The following DDX60L variants were observed in gnomAD, a reference collection of about 807,000 sequenced individuals.
DDX60L encodes probable ATP-dependent RNA helicase DDX60-like.
In DDX60L, 191 loss-of-function variants were observed where a neutral mutation model predicts 211.6. That is an observed-to-expected ratio of 0.90 (90% CI 0.80 to 1.02). DDX60L has a LOEUF of 1.02. Ranked by LOEUF, DDX60L falls within the 50% of genes least tolerant of loss-of-function variation. DDX60L has a pLI of 0.00. For synonymous variants in DDX60L, 706 were observed against 694.1 expected, an observed-to-expected ratio of 1.02 and a Z score of -0.27; for missense variants, 2,007 against 1,984.1, an observed-to-expected ratio of 1.01 and a Z score of -0.22.
At chr4:168,442,612 G>C (rs1754076696) in intron 9 of DDX60L, among the ~76,000 whole-genome samples, 1 of 152,110 alleles carries the variant, frequency 6.6e-6, no homozygotes, top group Admixed American at 6.5e-5. Context: ...AACCTCTGCA[G>C]ACTTAAATGT....
At chr4:168,426,810 G>C (rs1751526508) in intron 14 of DDX60L, among the ~76,000 whole-genome samples, 1 of 152,082 alleles carries the variant, frequency 6.6e-6, no homozygotes, top group Non-Finnish European at 1.5e-5. Flanking sequence ...CACACTTTTT[G>C]AAAGAGTTTT....
Position 168,441,355 on chromosome 4 carries a change from C to G in DDX60L, c.1276G>C (p.Glu426Gln). ...TTAGTACCTTGAATGACCGATTTCT[C>G]TTGTCTAAGAAAATGTCTTCTTGTT... The part of the protein sequence containing the change: ...RTTRRHFLRQ[E>Q]KSVIQEISLE... The change falls in exon 10 of 38, where the codon GAG (glutamate) becomes CAG (glutamine). Residue 426 changes from glutamate to glutamine, a missense_variant. Physicochemically the swap from Glu to Gln is conservative, Grantham distance 29. Transcript: ENST00000682922. The G allele has an allele frequency of 6.2e-7, 1 of 1,607,910 alleles. No homozygotes were observed. The highest frequency in any genetic ancestry group is 2.2e-5 in the East Asian group (1 of 44,680).
intron 30 of DDX60L, among the ~76,000 whole-genome samples, chr4:168,381,064 A>G (rs1006653306): frequency 5.3e-5 from 8 of 152,234 alleles, no homozygotes; most frequent in African/African-American, 1.9e-4. Context: ...GGCTGCTTCT[A>G]TCAACCTATG....
At chr4:168,400,194 T>C (rs545441807) in intron 26 of DDX60L, among the ~76,000 whole-genome samples, 1 of 152,344 alleles carries the variant, frequency 6.6e-6, no homozygotes, top group East Asian at 1.9e-4. Flanking sequence ...AAGGACATAA[T>C]CTCATTCTTT....
rs770649641 is a variant in DDX60L at position 168,373,654 on chromosome 4, T to A, written c.4776+12A>T. On this transcript the variant is annotated intron_variant, in intron 35 of 37. Coordinates refer to ENST00000682922, the MANE Select transcript of DDX60L (RefSeq NM_001012967.3). Reference sequence around the variant, plus strand: ...AAACACATTTTGTACATAAGATGTATCCTTCACTTACCTGGTTGATAGTCT... The same window carrying A: ...AAACACATTTTGTACATAAGATGTAACCTTCACTTACCTGGTTGATAGTCT... The A allele has an allele frequency of 6.2e-7, 1 of 1,611,950 alleles. No individual in the cohort carries two copies. The highest frequency in any genetic ancestry group is 1.1e-5 in the South Asian group (1 of 90,780).
rs974845276 is a variant in DDX60L at position 168,371,399 on chromosome 4, G to A, written c.4928+213C>T. Among the ~76,000 whole-genome samples, 6 of 145,842 alleles carry A rather than the reference G, an allele frequency of 4.1e-5. 1 individual carries two copies. The highest frequency in any genetic ancestry group is 2.8e-4 in the Admixed American group (4 of 14,308). ...ACCAGAAATCAGTCTTCTACGAAGT[G>A]ATCTAGTATGATTTTTATGATTCAT... On this transcript the variant is annotated intron_variant, in intron 36 of 37. Transcript: ENST00000682922.
intron 30 of DDX60L, chr4:168,380,040 G>GT (rs1742667375): frequency 2.3e-6 from 1 of 426,712 alleles, no homozygotes. Context: ...AAGCAGAACT[G>GT]TTATACATAA....
Position 168,461,828 on chromosome 4 carries a change from G to C in DDX60L, c.477C>G (p.Asn159Lys). 2 of 1,608,132 alleles carry C rather than the reference G, an allele frequency of 1.2e-6. No individual in the cohort carries two copies. The highest frequency in any genetic ancestry group is 1.7e-6 in the Non-Finnish European group (2 of 1,176,642). ...GLSDLQTYLF[N>K]FLIIHSWGMK... Reference sequence around the variant, plus strand: ...TTCCCCAGGAATGTATGATTAGGAAGTTAAAAAGGTACGTTTGTAAATCAC... The same window carrying C: ...TTCCCCAGGAATGTATGATTAGGAACTTAAAAAGGTACGTTTGTAAATCAC... Residue 159 changes from asparagine to lysine, a missense_variant, in exon 5 of 38, where the codon AAC becomes AAG. Transcript: ENST00000682922.
chr4:168,425,094 C>A (rs1328239622), intron 14 of DDX60L, among the ~76,000 whole-genome samples: 1 of 152,208 alleles, frequency 6.6e-6, no homozygotes, highest in Non-Finnish European at 1.5e-5. Flanking sequence ...AAGAACGGTA[C>A]AATACGATGA....
intron 22 of DDX60L, among the ~76,000 whole-genome samples, chr4:168,409,633 G>C (rs1045643970): frequency 2.0e-5 from 3 of 152,210 alleles, no homozygotes; most frequent in Admixed American, 6.5e-5. Context: ...ATAAAATTAT[G>C]TTTGAAAATG....
chr4:168,406,668 G>A lies in DDX60L; in HGVS notation c.3018C>T (p.Thr1006=), dbSNP rs367725775. 89 of 1,606,856 alleles carry A rather than the reference G, an allele frequency of 5.5e-5. No individual in the cohort carries two copies. The highest frequency in any genetic ancestry group is 7.2e-5 in the Non-Finnish European group (85 of 1,176,844). The part of the protein sequence containing the change: ...KYGFPPDLTL[T]PQESIQLYDT... ...CATAAAGCTGGATGCTTTCTTGAGG[G>A]GTGAGGGTAAGATCAGGTGGGAATC... is the stretch of plus-strand genomic sequence containing the variant. The change falls in exon 23 of 38, where the codon ACC becomes ACT. Residue 1006 remains threonine, a synonymous_variant. Coordinates refer to ENST00000682922, the MANE Select transcript of DDX60L (RefSeq NM_001012967.3).
chr4:168,448,294 T>C (rs1045088708), intron 9 of DDX60L, among the ~76,000 whole-genome samples: 2 of 152,180 alleles, frequency 1.3e-5, no homozygotes, highest in Non-Finnish European at 2.9e-5. Context: ...TGTACCAAAA[T>C]GCAGTTTTAT....
intron 6 of DDX60L, among the ~76,000 whole-genome samples, chr4:168,456,857 T>C (rs984384668): frequency 1.3e-5 from 2 of 152,088 alleles, no homozygotes; most frequent in Non-Finnish European, 2.9e-5. Flanking sequence ...GATACTACAT[T>C]TATGAAAAAT....
chr4:168,431,939 T>C (rs952204280), intron 12 of DDX60L, among the ~76,000 whole-genome samples: 6 of 152,114 alleles, frequency 3.9e-5, no homozygotes, highest in South Asian at 2.1e-4. Flanking sequence ...TGCAATCAAC[T>C]AGACAATAGT....
rs763367090 is a variant in DDX60L, at chr4:168,358,238, T to A, written c.5030A>T (p.Asn1677Ile). 5 of 1,600,888 alleles carry A rather than the reference T, an allele frequency of 3.1e-6. No individual in the cohort carries two copies. Among genetic ancestry groups the A allele is most frequent in the Non-Finnish European group, 4.3e-6 (5 of 1,173,746 alleles). ...CAATTGTTTAAATGCCAGGACTACA[T>A]TGTCACGCTTATTTTCACATAGTTC... Reference protein sequence around the residue: ...LSELCENKRDNVVLAFKQLSQ... With the variant: ...LSELCENKRDIVVLAFKQLSQ... The change falls in exon 38 of 38, where the codon AAT (asparagine) becomes ATT (isoleucine). Residue 1677 changes from asparagine to isoleucine, a missense_variant. Transcript: ENST00000682922.
intron 9 of DDX60L, among the ~76,000 whole-genome samples, chr4:168,442,511 G>A (rs894877798): frequency 1.3e-5 from 2 of 152,258 alleles, no homozygotes; most frequent in African/African-American, 4.8e-5. Flanking sequence ...AGCGCGAACT[G>A]GGTGGAGCCC....
At chr4:168,473,683 G>A (rs550787266) in intron 1 of DDX60L, among the ~76,000 whole-genome samples, 1 of 152,276 alleles carries the variant, frequency 6.6e-6, no homozygotes, top group Non-Finnish European at 1.5e-5. Flanking sequence ...GAGGAAATGA[G>A]TATATATCAC....
chr4:168,386,378 C>T (rs1348475845), intron 29 of DDX60L, among the ~76,000 whole-genome samples: 1 of 152,064 alleles, frequency 6.6e-6, no homozygotes. Flanking sequence ...AAAGAGACAA[C>T]ATTTTGAAAG....
chr4:168,460,907 C>A (rs545317648), intron 5 of DDX60L, among the ~76,000 whole-genome samples: 69 of 152,274 alleles, frequency 4.5e-4, no homozygotes, highest in African/African-American at 1.5e-3. Context: ...GGTTTGCTTG[C>A]TATTACCAGT....
Sources: gnomAD v4.1 joint callset for allele counts (sites outside exome capture counted in the v4.1 genomes callset) on GRCh38, gnomAD v4.1.1 for gene constraint, MANE v1.5 for transcripts, NCBI Gene and HGNC (gene_info 2026-07-23, HGNC 2026-07-21) for gene names.